Variants in SP140L observed in about 807,000 individuals in gnomAD.
The protein encoded by SP140L is nuclear body protein SP140-like protein.
A neutral mutation model predicts 84.3 loss-of-function variants in SP140L; 64 were observed. That is an observed-to-expected ratio of 0.76 (90% confidence interval 0.62 to 0.94). The LOEUF is 0.94. SP140L is among the 40% of genes least tolerant of loss of function. The pLI is 0.00. For synonymous variants in SP140L, 242 were observed against 236.9 expected (o/e 1.02, Z -0.20); for missense variants, 628 against 692.5 (o/e 0.91, Z 1.05).
chr2:230,361,340 G>A (rs1462886133), intron 4 of SP140L, among the ~76,000 whole-genome samples: 1 of 152,128 alleles, frequency 6.6e-6, no homozygotes, highest in Non-Finnish European at 1.5e-5. Context: ...CTTGATGTAT[G>A]CCTACCCTGC....
Position 230,361,699 on chromosome 2 carries a change from T to TA in SP140L, c.523+7dup. The TA allele has an allele frequency of 6.4e-7, 1 of 1,554,402 alleles. No homozygotes were observed. The highest frequency in any genetic ancestry group is 8.7e-7 in the Non-Finnish European group (1 of 1,147,522). On this transcript the variant is annotated splice_region_variant and intron_variant, in intron 5 of 18. Transcript: ENST00000415673. Reference sequence around the variant, plus strand: ...ACATCAAACTAAGTCTTAAACAAGGTAAAAATGACAGAATAAAAACGGTTT... The same window carrying TA: ...ACATCAAACTAAGTCTTAAACAAGGTAAAAAATGACAGAATAAAAACGGTTT...
chr2:230,387,760 G>A (rs2061645487), intron 9 of SP140L, among the ~76,000 whole-genome samples: 1 of 152,194 alleles, frequency 6.6e-6, no homozygotes, highest in African/African-American at 2.4e-5. Flanking sequence ...GCACTTGGGA[G>A]AACGTCGTCG....
Position 230,331,312 on chromosome 2 carries a change from GA to G in SP140L, c.107+2485del, listed in dbSNP as rs547408470. The stretch of plus-strand genomic sequence containing the variant: ...ATGCCTAATTTATGTATAGATGGGG[GA>G]AAACATAGTATATACAGAGTTTGGT... On this transcript the variant is annotated intron_variant, in intron 2 of 18. Transcript: ENST00000415673. 1.9e-4 allele frequency among the ~76,000 whole-genome samples: 29 copies of G among 152,192 alleles called. 1 individual carries two copies. Among genetic ancestry groups the G allele is most frequent in the African/African-American group, 7.0e-4 (29 of 41,522 alleles).
rs773304325 is a variant in SP140L, at chr2:230,390,020, C to G, written c.961C>G (p.Gln321Glu). 1.2e-6 allele frequency: 2 copies of G among 1,612,522 alleles called. No individual in the cohort carries two copies. The stretch of plus-strand genomic sequence containing the variant: ...AATTTTACATAAGGAGAAATTGGAA[C>G]AAGGTGGGTTTCATAGTCTTCTTTA... ...KGILHKEKLE[Q>E]GTLAKCIQTE... Residue 321 changes from glutamine (Q) to glutamate (E), a missense_variant, in exon 11 of 19, where the codon CAA becomes GAA. This residue lies in a region of SP140L where 525 missense variants were observed against 518.4 expected (regional missense o/e 1.01). Transcript: ENST00000415673.
chr2:230,366,828 A>G (rs2060894482), intron 5 of SP140L, among the ~76,000 whole-genome samples: 1 of 151,176 alleles, frequency 6.6e-6, no homozygotes, highest in Admixed American at 6.6e-5. Context: ...TCGTCTCCGG[A>G]TTCAAGTAAT....
chr2:230,347,619 A>C (rs1473104303), intron 2 of SP140L, among the ~76,000 whole-genome samples: 14 of 152,150 alleles, frequency 9.2e-5, no homozygotes, highest in Non-Finnish European at 1.9e-4. Flanking sequence ...CTTCCTGGTT[A>C]GCAAGGCTAG....
intron 2 of SP140L, among the ~76,000 whole-genome samples, chr2:230,344,223 A>G (rs533905539): frequency 3.9e-5 from 6 of 152,294 alleles, no homozygotes; most frequent in African/African-American, 1.4e-4. Context: ...GTGCATGTAT[A>G]TTTCAGATAG....
At position 230,338,727 on chromosome 2, in the gene SP140L, G is replaced by A. The variant is rs1254469867; in HGVS notation, c.107+9896G>A. ...TGAAGAGTTGTTGAATTTTGTCAAA[G>A]GCTTTTTCTGCATCTATTGAGATAA... On this transcript the variant is annotated intron_variant, in intron 2 of 18. Coordinates refer to ENST00000415673, the MANE Select transcript of SP140L (RefSeq NM_138402.6). Among the ~76,000 whole-genome samples, 24 of 129,588 alleles carry A rather than the reference G, an allele frequency of 1.9e-4. 2 individuals are homozygous for A. In the East Asian group the frequency reaches 5.3e-3, roughly 29 times the overall value. The allele number at this position is 129,588 out of a possible 152,430, so 85.0% of individuals were successfully genotyped here.
chr2:230,328,348 C>T (rs548419953), intron 1 of SP140L, among the ~76,000 whole-genome samples: 62 of 152,218 alleles, frequency 4.1e-4, no homozygotes, highest in African/African-American at 1.4e-3. Context: ...GATGCATTTA[C>T]GTGTATGAAG....
intron 7 of SP140L, chr2:230,372,153 A>T (rs1306480909): frequency 6.4e-6 from 1 of 157,424 alleles, no homozygotes; most frequent in Non-Finnish European, 1.4e-5. Flanking sequence ...CCCGTGTCAC[A>T]CTTCTCACTG....
intron 2 of SP140L, among the ~76,000 whole-genome samples, chr2:230,330,395 C>T (rs929155730): frequency 3.9e-5 from 6 of 152,150 alleles, no homozygotes; most frequent in African/African-American, 1.2e-4. Context: ...ACCACACTGC[C>T]GTAGCGATGG....
In SP140L at chr2:230,401,773, G is replaced by T. The variant is rs758052598; in HGVS notation, c.1610G>T (p.Arg537Leu). Residue 537 changes from arginine (R) to leucine (L), a missense_variant, in exon 18 of 19, where the codon CGC becomes CTC. By Grantham distance (102) the Arg-to-Leu change is moderately radical (BLOSUM62 -2). Coordinates refer to ENST00000415673, the MANE Select transcript of SP140L (RefSeq NM_138402.6). ...PQVEGFVQDM[R>L]LIFQNHRASY... The stretch of plus-strand genomic sequence containing the variant: ...GTGGAGGGGTTTGTACAAGACATGC[G>T]CCTCATCTTCCAGAACCACAGGGCC... The T allele has an allele frequency of 2.0e-6, 3 of 1,525,028 alleles. No individual in the cohort carries two copies. The highest frequency in any genetic ancestry group is 2.6e-6 in the Non-Finnish European group (3 of 1,137,116). 94.5% of individuals were successfully genotyped at this position (1,525,028 alleles called of 1,614,324 possible). A position where few individuals can be genotyped will look rare whatever the true frequency, so the allele number is the denominator to read the frequency against.
intron 13 of SP140L, among the ~76,000 whole-genome samples, chr2:230,395,156 G>T (rs1242399556): frequency 6.6e-6 from 1 of 152,162 alleles, no homozygotes; most frequent in Non-Finnish European, 1.5e-5. Flanking sequence ...TTTTAGTAGA[G>T]ACAGGGTTTT....
chr2:230,389,957 G>C lies in SP140L; in HGVS notation c.898G>C (p.Ala300Pro). 6.2e-7 allele frequency: 1 copy of C among 1,613,824 alleles called. No individual in the cohort carries two copies. Among genetic ancestry groups the C allele is most frequent in the Non-Finnish European group, 8.5e-7 (1 of 1,179,822 alleles). ...KHKDETVDFQ[A>P]PLLPVTCGGV... ...CAAAGATGAAACTGTGGATTTTCAG[G>C]CTCCTTTACTTCCAGTGACCTGTGG... The change falls in exon 11 of 19, where the codon GCT becomes CCT. Residue 300 changes from alanine to proline, a missense_variant. By Grantham distance (27) the Ala-to-Pro change is conservative. Coordinates refer to ENST00000415673, the MANE Select transcript of SP140L (RefSeq NM_138402.6).
intron 8 of SP140L, among the ~76,000 whole-genome samples, chr2:230,384,331 C>T (rs572018707): frequency 1.3e-5 from 2 of 152,168 alleles, no homozygotes; most frequent in East Asian, 1.9e-4. Flanking sequence ...ATGTTTTAGA[C>T]CATTTTATTT....
intron 12 of SP140L, among the ~76,000 whole-genome samples, chr2:230,392,718 G>C (rs527915330): frequency 7.2e-6 from 1 of 139,304 alleles, no homozygotes; most frequent in East Asian, 1.9e-4. Context: ...ATTCAAATCT[G>C]TAATTGATAG....
intron 5 of SP140L, among the ~76,000 whole-genome samples, chr2:230,365,434 T>C (rs969760349): frequency 6.6e-6 from 1 of 152,104 alleles, no homozygotes; most frequent in Non-Finnish European, 1.5e-5. Context: ...TGTATAATTG[T>C]TCATAGCAAT....
intron 6 of SP140L, among the ~76,000 whole-genome samples, chr2:230,371,256 A>G (rs1205628093): frequency 6.6e-6 from 1 of 152,204 alleles, no homozygotes; most frequent in Non-Finnish European, 1.5e-5. Context: ...ATTCCATGGA[A>G]CCCAAGATAA....
At chr2:230,387,734 C>G (rs1030068091) in intron 9 of SP140L, among the ~76,000 whole-genome samples, 7 of 152,320 alleles carry the variant, frequency 4.6e-5, no homozygotes, top group African/African-American at 1.4e-4. Context: ...GATGCCCACT[C>G]ACAGCCAATT....
Sources: allele counts gnomAD v4.1 joint callset (sites outside exome capture counted in the v4.1 genomes callset), GRCh38; gene constraint gnomAD v4.1.1; regional missense constraint gnomAD v4.1.1; transcripts MANE v1.5; gene names NCBI Gene and HGNC (gene_info 2026-07-23, HGNC 2026-07-21).